PPM1E: variants seen among roughly 807,000 people sequenced by gnomAD.
PPM1E encodes the protein protein phosphatase 1E.
Under a neutral mutation model 65.9 loss-of-function variants are expected in PPM1E, and 20 were observed. The observed-to-expected ratio is 0.30, with a 90% confidence interval of 0.21 to 0.44. The LOEUF is 0.44. Ranked by LOEUF, PPM1E falls within the 20% of genes least tolerant of loss-of-function variation. The probability of loss-of-function intolerance (pLI) is 1.00; values close to 1 mark genes in which losing one functional copy is unlikely to be tolerated. For synonymous variants in PPM1E, 352 were observed against 374.9 expected (o/e 0.94, Z 0.70); for missense variants, 713 against 953.1 (o/e 0.75, Z 3.32).
At chr17:58,797,024 C>G (rs2050213530) in intron 1 of PPM1E, among the ~76,000 whole-genome samples, 2 of 152,162 alleles carry the variant, frequency 1.3e-5, no homozygotes, top group Non-Finnish European at 1.5e-5. Context: ...AGGAGAATCA[C>G]TGGAACTCGT....
chr17:58,925,826 T>G (rs959108459), intron 1 of PPM1E, among the ~76,000 whole-genome samples: 2 of 152,046 alleles, frequency 1.3e-5, no homozygotes, highest in South Asian at 2.1e-4. Context: ...GTTCTGTAGG[T>G]ATAGCATGGG....
chr17:58,766,288 G>A (rs1380584914), intron 1 of PPM1E, among the ~76,000 whole-genome samples: 9 of 131,282 alleles, frequency 6.9e-5, no homozygotes, highest in Admixed American at 2.7e-4. Context: ...TGCAACCTCC[G>A]CCTCCCAGGT....
intron 1 of PPM1E, among the ~76,000 whole-genome samples, chr17:58,934,493 G>GA (rs2051949876): frequency 6.6e-6 from 1 of 152,096 alleles, no homozygotes; most frequent in African/African-American, 2.4e-5. Flanking sequence ...ATATAAATCA[G>GA]AAAAATAGTA....
intron 1 of PPM1E, among the ~76,000 whole-genome samples, chr17:58,944,735 A>G (rs1050987507): frequency 1.3e-5 from 2 of 152,218 alleles, no homozygotes; most frequent in African/African-American, 4.8e-5. Context: ...TTATCCATCA[A>G]GTGATGGACA....
rs925895145 is a variant in PPM1E at position 58,983,201 on chromosome 17, T to C, written c.*2170T>C. On this transcript the variant is annotated 3_prime_UTR_variant, in exon 7 of 7. Transcript: ENST00000308249. Reference sequence around the variant, plus strand: ...CACAGCAGTGTTAACTCATTTCTCATGCCATTAGCTCTCTACAAAATAAAG... The same window carrying C: ...CACAGCAGTGTTAACTCATTTCTCACGCCATTAGCTCTCTACAAAATAAAG... 9.0e-6 allele frequency: 3 copies of C among 334,162 alleles called. No individual in the cohort carries two copies. The East Asian group carries it at 1.5e-4, about 16-fold the overall frequency. The allele number at this position is 334,162 out of a possible 1,614,324, so 20.7% of individuals were successfully genotyped here.
chr17:58,961,375 C>G (rs2030026032), intron 2 of PPM1E, among the ~76,000 whole-genome samples: 1 of 152,110 alleles, frequency 6.6e-6, no homozygotes, highest in Non-Finnish European at 1.5e-5. Context: ...TATCTGCAGT[C>G]TAATTTGGAG....
chr17:58,829,133 C>T (rs2050572911), intron 1 of PPM1E, among the ~76,000 whole-genome samples: 1 of 152,064 alleles, frequency 6.6e-6, no homozygotes, highest in South Asian at 2.1e-4. Flanking sequence ...ACCTCCGCCT[C>T]CCGGGTTCAA....
At chr17:58,834,499 G>T (rs1340923015) in intron 1 of PPM1E, among the ~76,000 whole-genome samples, 1 of 152,150 alleles carries the variant, frequency 6.6e-6, no homozygotes, top group East Asian at 1.9e-4. Flanking sequence ...AGTTTCTCTT[G>T]TTTTTTCCCT....
At chr17:58,828,535 C>G (rs2050565550) in intron 1 of PPM1E, among the ~76,000 whole-genome samples, 2 of 151,692 alleles carry the variant, frequency 1.3e-5, no homozygotes, top group Admixed American at 6.6e-5. Context: ...CGCGATCTCG[C>G]CTCACCACAA....
At chr17:58,905,468 T>C (rs1477704603) in intron 1 of PPM1E, among the ~76,000 whole-genome samples, 1 of 152,146 alleles carries the variant, frequency 6.6e-6, no homozygotes, top group African/African-American at 2.4e-5. Context: ...TATGATCATG[T>C]AATTTTTCTT....
At chr17:58,762,126 G>A (rs372365396) in intron 1 of PPM1E, among the ~76,000 whole-genome samples, 1 of 152,196 alleles carries the variant, frequency 6.6e-6, no homozygotes, top group African/African-American at 2.4e-5. Flanking sequence ...ATCTGTGCCT[G>A]AGTAAATAGA....
At chr17:58,923,891 G>C (rs2051788005) in intron 1 of PPM1E, among the ~76,000 whole-genome samples, 1 of 150,680 alleles carries the variant, frequency 6.6e-6, no homozygotes, top group Non-Finnish European at 1.5e-5. Flanking sequence ...TCCAGCCTGG[G>C]CAACAGAGAA....
chr17:58,784,977 C>T lies in PPM1E; in HGVS notation c.464+28516C>T, dbSNP rs371827137. On this transcript the variant is annotated intron_variant, in intron 1 of 6. Coordinates refer to ENST00000308249, the MANE Select transcript of PPM1E (RefSeq NM_014906.5). ...ACTTTCTTGATGGTATCATTTGCAA[C>T]CAAAGATTTTCAATTTTGATATAGT... is the stretch of plus-strand genomic sequence containing the variant. Among the ~76,000 whole-genome samples, 6 of 152,240 alleles carry T rather than the reference C, an allele frequency of 3.9e-5. No individual in the cohort carries two copies. In the South Asian group the frequency reaches 1.2e-3, roughly 32 times the overall value.
intron 1 of PPM1E, among the ~76,000 whole-genome samples, chr17:58,952,799 T>C (rs1598673319): frequency 1.3e-5 from 2 of 152,172 alleles, no homozygotes; most frequent in Admixed American, 6.5e-5. Flanking sequence ...TCAGCCTCCC[T>C]AGTAGCTGAG....
intron 1 of PPM1E, among the ~76,000 whole-genome samples, chr17:58,900,678 T>A (rs2051488171): frequency 6.6e-6 from 1 of 152,180 alleles, no homozygotes; most frequent in South Asian, 2.1e-4. Context: ...CCACACTAGC[T>A]TTGAGGTATG....
chr17:58,792,311 A>G (rs908996713), intron 1 of PPM1E, among the ~76,000 whole-genome samples: 2 of 149,590 alleles, frequency 1.3e-5, no homozygotes, highest in African/African-American at 4.9e-5. Flanking sequence ...ATAGTATAAT[A>G]TATTGTAACT....
At chr17:58,826,101 C>A (rs1013896414) in intron 1 of PPM1E, among the ~76,000 whole-genome samples, 2 of 151,120 alleles carry the variant, frequency 1.3e-5, no homozygotes, top group African/African-American at 2.4e-5. Context: ...CCAGCCCAGC[C>A]AACATGGTGA....
At chr17:58,947,536 C>CTT (rs78877158) in intron 1 of PPM1E, among the ~76,000 whole-genome samples, 5 of 130,376 alleles carry the variant, frequency 3.8e-5, no homozygotes, top group East Asian at 4.3e-4. Flanking sequence ...TGCACCTGGC[C>CTT]TTTTTTTTTT....
chr17:58,839,090 A>G (rs1169210576), intron 1 of PPM1E, among the ~76,000 whole-genome samples: 2 of 152,164 alleles, frequency 1.3e-5, no homozygotes, highest in African/African-American at 4.8e-5. Context: ...ACGCACTGTA[A>G]TGGTGGGTAC....
Sources: allele counts gnomAD v4.1 joint callset (sites outside exome capture counted in the v4.1 genomes callset), GRCh38; gene constraint gnomAD v4.1.1; transcripts MANE v1.5; gene names NCBI Gene and HGNC (gene_info 2026-07-23, HGNC 2026-07-21).